Variants in CTNNA3 observed in about 807,000 individuals in gnomAD.
CTNNA3 encodes catenin alpha 3.
A neutral mutation model predicts 95.7 loss-of-function variants in CTNNA3; 76 were observed. That is an observed-to-expected ratio of 0.79 (90% confidence interval 0.66 to 0.96). CTNNA3 has a LOEUF of 0.96. Ranked by LOEUF, CTNNA3 falls within the 40% of genes least tolerant of loss-of-function variation. The probability of loss-of-function intolerance (pLI) is 0.00; values close to 1 mark genes in which losing one functional copy is unlikely to be tolerated. For synonymous variants in CTNNA3, 431 were observed against 374.4 expected (o/e 1.15, Z -1.74); for missense variants, 1,191 against 1,089.8 (o/e 1.09, Z -1.31).
chr10:67,027,956 T>G (rs1033582562), intron 7 of CTNNA3, among the ~76,000 whole-genome samples: 2 of 152,210 alleles, frequency 1.3e-5, no homozygotes, highest in Non-Finnish European at 2.9e-5. Context: ...AATCTCCATC[T>G]GTTTTCTCAC....
chr10:66,838,934 G>A (rs1456776971), intron 7 of CTNNA3, among the ~76,000 whole-genome samples: 4 of 152,148 alleles, frequency 2.6e-5, no homozygotes, highest in Non-Finnish European at 4.4e-5. Context: ...TCCTTGGGTA[G>A]CCCCAAAGCC....
intron 9 of CTNNA3, among the ~76,000 whole-genome samples, chr10:66,660,606 T>G (rs1025668062): frequency 5.9e-5 from 9 of 152,184 alleles, no homozygotes; most frequent in African/African-American, 9.6e-5. Context: ...TTATCATAAA[T>G]TCCTTCAACA....
At chr10:66,204,707 A>G (rs891067767) in intron 13 of CTNNA3, among the ~76,000 whole-genome samples, 1 of 152,112 alleles carries the variant, frequency 6.6e-6, no homozygotes, top group African/African-American at 2.4e-5. Flanking sequence ...TTTTAAGATT[A>G]TGGAATGTAG....
At chr10:66,350,370 T>A (rs569483587) in intron 12 of CTNNA3, among the ~76,000 whole-genome samples, 3 of 152,222 alleles carry the variant, frequency 2.0e-5, no homozygotes, top group African/African-American at 7.2e-5. Flanking sequence ...GAAAGAGAAA[T>A]TTTGATTATA....
intron 12 of CTNNA3, among the ~76,000 whole-genome samples, chr10:66,361,757 C>A (rs1564898352): frequency 6.6e-6 from 1 of 151,920 alleles, no homozygotes; most frequent in East Asian, 1.9e-4. Context: ...AGGCTGGTCT[C>A]AAACTCCTGG....
At chr10:67,705,847 C>G (rs1424473435) in intron 1 of CTNNA3, among the ~76,000 whole-genome samples, 3 of 151,644 alleles carry the variant, frequency 2.0e-5, no homozygotes, top group East Asian at 3.9e-4. Context: ...CCTCTCCTAG[C>G]GTAACCGACA....
chr10:66,972,101 T>C (rs2132831705), intron 7 of CTNNA3, among the ~76,000 whole-genome samples: 1 of 152,294 alleles, frequency 6.6e-6, no homozygotes, highest in African/African-American at 2.4e-5. Flanking sequence ...TTGTTTAGTG[T>C]TGCCATAGCA....
intron 2 of CTNNA3, among the ~76,000 whole-genome samples, chr10:67,626,681 C>T (rs1457348322): frequency 6.6e-6 from 1 of 152,112 alleles, no homozygotes; most frequent in Non-Finnish European, 1.5e-5. Context: ...GAATGGGTTC[C>T]TCTCAGGTCT....
At chr10:66,459,899 A>AT (rs991746563) in intron 11 of CTNNA3, among the ~76,000 whole-genome samples, 3 of 152,026 alleles carry the variant, frequency 2.0e-5, no homozygotes, top group African/African-American at 7.2e-5. Flanking sequence ...TTATTTATTT[A>AT]TTTTTTTAAT....
Position 67,303,737 on chromosome 10 carries a change from T to G in CTNNA3, c.580-83867A>C, listed in dbSNP as rs144118672. Reference sequence around the variant, plus strand: ...TAGATATTAAAGAAATGTCAGGGATTGTTACTATTATTCATTTTATAATCA... The same window carrying G: ...TAGATATTAAAGAAATGTCAGGGATGGTTACTATTATTCATTTTATAATCA... On this transcript the variant is annotated intron_variant, in intron 5 of 17. Coordinates refer to ENST00000433211, the MANE Select transcript of CTNNA3 (RefSeq NM_013266.4). Among the ~76,000 whole-genome samples the G allele has an allele frequency of 5.1e-3, 776 of 152,282 alleles. 8 individuals are homozygous for G. Among genetic ancestry groups the G allele is most frequent in the African/African-American group, 0.018 (736 of 41,558 alleles).
intron 12 of CTNNA3, among the ~76,000 whole-genome samples, chr10:66,360,647 C>A (rs893195839): frequency 2.4e-4 from 15 of 61,496 alleles, no homozygotes; most frequent in African/African-American, 1.0e-3. Context: ...TTCTTTCTTT[C>A]TTTCTTTCTT....
intron 5 of CTNNA3, among the ~76,000 whole-genome samples, chr10:67,449,257 C>A (rs959648845): frequency 3.9e-5 from 6 of 152,028 alleles, no homozygotes; most frequent in African/African-American, 7.3e-5. Context: ...GCCAATCTGC[C>A]CAAAGCAATT....
intron 1 of CTNNA3, among the ~76,000 whole-genome samples, chr10:67,675,403 C>T (rs1840517777): frequency 6.6e-6 from 1 of 152,092 alleles, no homozygotes; most frequent in South Asian, 2.1e-4. Context: ...TTGCCCCAGG[C>T]TATAGTTTTG....
At chr10:67,098,388 C>T (rs1486519018) in intron 7 of CTNNA3, 1 of 152,082 alleles carries the variant, frequency 6.6e-6, no homozygotes, top group African/African-American at 2.4e-5. Context: ...AGAAATAATA[C>T]ATTAACCAAA....
chr10:67,395,542 C>T (rs539991567), intron 5 of CTNNA3, among the ~76,000 whole-genome samples: 12 of 152,322 alleles, frequency 7.9e-5, no homozygotes, highest in Non-Finnish European at 1.6e-4. Flanking sequence ...ATGGTGCTGA[C>T]AGCAGCAGGC....
chr10:67,012,213 A>C (rs78745318), intron 7 of CTNNA3: 1,563 of 152,342 alleles, frequency 0.01, 7 homozygotes, highest in Non-Finnish European at 0.017. Flanking sequence ...AGTATGAAGA[A>C]TGTCACAAGG....
chr10:67,566,265 C>T (rs1589434700), intron 3 of CTNNA3, among the ~76,000 whole-genome samples: 2 of 143,224 alleles, frequency 1.4e-5, no homozygotes, highest in African/African-American at 5.2e-5. Flanking sequence ...TTTTCGCAAC[C>T]TACTCATCTG....
At chr10:67,593,739 T>G (rs1564768563) in intron 3 of CTNNA3, among the ~76,000 whole-genome samples, 3 of 152,132 alleles carry the variant, frequency 2.0e-5, no homozygotes, top group Non-Finnish European at 4.4e-5. Context: ...CCTACTTGGA[T>G]ACATTTTTTT....
intron 10 of CTNNA3, among the ~76,000 whole-genome samples, chr10:66,604,389 T>C (rs1219125847): frequency 2.0e-5 from 3 of 152,144 alleles, no homozygotes; most frequent in Non-Finnish European, 4.4e-5. Flanking sequence ...CTGTGGTGAA[T>C]GTCCGCATGG....
Sources: gnomAD v4.1 joint callset for allele counts (sites outside exome capture counted in the v4.1 genomes callset) on GRCh38, gnomAD v4.1.1 for gene constraint, MANE v1.5 for transcripts, NCBI Gene and HGNC (gene_info 2026-07-23, HGNC 2026-07-21) for gene names.